Variants in PAPPA observed in about 807,000 individuals in gnomAD.
The protein encoded by PAPPA is pappalysin 1.
In PAPPA, 60 loss-of-function variants were observed where a neutral mutation model predicts 164.0. The observed-to-expected ratio is 0.37, with a 90% CI of 0.30 to 0.45. The LOEUF (loss-of-function observed/expected upper bound fraction) is 0.45. PAPPA is among the 20% of genes least tolerant of loss of function. The pLI is 1.00. For missense variants in PAPPA, 1,782 were observed against 2,087.3 expected, an observed-to-expected ratio of 0.85 and a Z score of 2.85; for synonymous variants, 875 against 814.1, an observed-to-expected ratio of 1.07 and a Z score of -1.27.
At position 116,154,434 on chromosome 9, in the gene PAPPA, G is replaced by C. The variant is rs547307006; in HGVS notation, c.262G>C (p.Glu88Gln). The C allele has an allele frequency of 6.3e-6, 8 of 1,271,504 alleles. No homozygotes were observed. The highest frequency in any genetic ancestry group is 7.9e-6 in the Non-Finnish European group (8 of 1,007,154). The allele number at this position is 1,271,504 out of a possible 1,614,324, so 78.8% of individuals were successfully genotyped here. A position where few individuals can be genotyped will look rare whatever the true frequency, so the allele number is the denominator to read the frequency against. ...GCAGCGGGAGGCGAGGGGCGCCACCGAGGAGCCGAGCCCGCCGAGCCGGGC... is the reference window on the plus strand; with the variant it reads ...GCAGCGGGAGGCGAGGGGCGCCACCCAGGAGCCGAGCCCGCCGAGCCGGGC... ...RQQREARGAT[E>Q]EPSPPSRALY... Residue 88 changes from glutamate (E) to glutamine (Q), a missense_variant, in exon 1 of 22, where the codon GAG becomes CAG. Physicochemically the swap from Glu to Gln is conservative, Grantham distance 29. This residue lies in a region of PAPPA where 458 missense variants were observed against 430.3 expected (regional missense o/e 1.06). Transcript: ENST00000328252. This position sits in a 1 kb window ranked among gnomAD's most constrained non-coding sequence, Gnocchi z 5.2.
At chr9:116,197,746 C>T (rs760257054) in intron 2 of PAPPA, among the ~76,000 whole-genome samples, 15 of 152,182 alleles carry the variant, frequency 9.9e-5, no homozygotes, top group Non-Finnish European at 1.8e-4. Context: ...ATCTACTGTA[C>T]GGCCTGTATT....
chr9:116,301,029 T>C (rs1397562487), intron 9 of PAPPA, among the ~76,000 whole-genome samples: 1 of 152,030 alleles, frequency 6.6e-6, no homozygotes. Flanking sequence ...TGTGCAAAGA[T>C]ACATAGCTAA....
rs143567462 is a variant in PAPPA, at chr9:116,295,351, C to T, written c.2954-7406C>T. Among the ~76,000 whole-genome samples the T allele has an allele frequency of 1.8e-3, 271 of 151,992 alleles. 2 individuals carry two copies. Among genetic ancestry groups the T allele is most frequent in the African/African-American group, 6.2e-3 (258 of 41,452 alleles). On this transcript the variant is annotated intron_variant, in intron 9 of 21. Coordinates refer to ENST00000328252, the MANE Select transcript of PAPPA (RefSeq NM_002581.5). The stretch of plus-strand genomic sequence containing the variant: ...GGTGGATCACCTGAGGTTAAGAGTT[C>T]GAGACCAGCCTGACCAACATGGTGA...
chr9:116,355,086 T>A (rs1846335535), intron 17 of PAPPA, among the ~76,000 whole-genome samples: 1 of 152,184 alleles, frequency 6.6e-6, no homozygotes, highest in Non-Finnish European at 1.5e-5. Context: ...GTGCCCCTCC[T>A]CAGGTTCCCC....
chr9:116,398,903 T>C lies in PAPPA; in HGVS notation c.*2287T>C. The C allele has an allele frequency of 2.8e-6, 1 of 356,036 alleles. No homozygotes were observed. The highest frequency in any genetic ancestry group is 3.8e-5 in the Admixed American group (1 of 26,052). 22.1% of individuals were successfully genotyped at this position (356,036 alleles called of 1,614,324 possible). ...CCCCTCTCCAGTATCTTCACACTCT[T>C]GTCAACTCTCCAGGCCTCTCTCTTG... On this transcript the variant is annotated 3_prime_UTR_variant, in exon 22 of 22. Transcript: ENST00000328252.
intron 5 of PAPPA, among the ~76,000 whole-genome samples, chr9:116,221,093 T>C (rs555478495): frequency 5.8e-4 from 89 of 152,290 alleles, no homozygotes; most frequent in African/African-American, 2.0e-3. Flanking sequence ...TTTCTGTCTC[T>C]GAGCCTGATT....
chr9:116,166,292 A>G (rs1057103266), intron 1 of PAPPA, among the ~76,000 whole-genome samples: 1 of 152,152 alleles, frequency 6.6e-6, no homozygotes, highest in African/African-American at 2.4e-5. Context: ...TCCAAGCCAT[A>G]TTTTGGCCTT....
intron 2 of PAPPA, among the ~76,000 whole-genome samples, chr9:116,201,801 C>T (rs1844174394): frequency 6.6e-6 from 1 of 152,180 alleles, no homozygotes; most frequent in South Asian, 2.1e-4. Context: ...TAAAATCACC[C>T]TCTGTTGCCT....
chr9:116,215,480 C>T (rs1844358923), intron 4 of PAPPA, among the ~76,000 whole-genome samples: 1 of 152,030 alleles, frequency 6.6e-6, no homozygotes, highest in Non-Finnish European at 1.5e-5. Context: ...CCTTAGCAAA[C>T]TAATGCAAGA....
At chr9:116,198,887 T>C (rs2118655683) in intron 2 of PAPPA, among the ~76,000 whole-genome samples, 1 of 152,340 alleles carries the variant, frequency 6.6e-6, no homozygotes, top group Non-Finnish European at 1.5e-5. Context: ...TTTTATTTTA[T>C]GATATGAGGG....
intron 15 of PAPPA, among the ~76,000 whole-genome samples, chr9:116,349,398 C>T (rs1377314401): frequency 3.9e-5 from 6 of 152,182 alleles, no homozygotes; most frequent in East Asian, 3.8e-4. Context: ...ACCTACTATT[C>T]GCTCAGCAGT....
At chr9:116,349,448 C>T (rs978452135) in intron 15 of PAPPA, among the ~76,000 whole-genome samples, 4 of 152,052 alleles carry the variant, frequency 2.6e-5, no homozygotes, top group African/African-American at 9.7e-5. Flanking sequence ...AAGATACAGC[C>T]CTTGCCTTAG....
At chr9:116,243,548 C>A (rs949578533) in intron 7 of PAPPA, among the ~76,000 whole-genome samples, 1 of 152,042 alleles carries the variant, frequency 6.6e-6, no homozygotes, top group Non-Finnish European at 1.5e-5. Context: ...GTTTTATATC[C>A]CTTTGCCTGA....
intron 9 of PAPPA, among the ~76,000 whole-genome samples, chr9:116,281,115 T>C (rs186698365): frequency 1.4e-3 from 216 of 152,374 alleles, no homozygotes; most frequent in Non-Finnish European, 2.4e-3. Flanking sequence ...AATCTAGAGC[T>C]GATTTAAAGT....
intron 19 of PAPPA, among the ~76,000 whole-genome samples, chr9:116,369,946 G>T (rs533027211): frequency 5.9e-5 from 9 of 152,308 alleles, no homozygotes; most frequent in African/African-American, 1.9e-4. Context: ...GGCAGAGATT[G>T]ATGATTTCCA....
intron 21 of PAPPA, among the ~76,000 whole-genome samples, chr9:116,392,127 T>C (rs1846900951): frequency 6.6e-6 from 1 of 152,242 alleles, no homozygotes; most frequent in Non-Finnish European, 1.5e-5. Context: ...TTAGCATTGC[T>C]GGGCAGAGTG....
intron 7 of PAPPA, among the ~76,000 whole-genome samples, chr9:116,238,636 G>T (rs941787577): frequency 6.6e-6 from 1 of 152,138 alleles, no homozygotes; most frequent in Admixed American, 6.5e-5. Flanking sequence ...TGCACAATTT[G>T]TTCTTTCATT....
chr9:116,382,322 C>T (rs1237499708), intron 20 of PAPPA, 73 bp from the exon 21 acceptor site: 10 of 900,824 alleles, frequency 1.1e-5, no homozygotes, highest in Non-Finnish European at 1.9e-5. Flanking sequence ...ACCCGAAGGA[C>T]TGCAGACGTC....
intron 10 of PAPPA, among the ~76,000 whole-genome samples, chr9:116,328,396 A>G (rs1009388299): frequency 2.0e-5 from 3 of 152,216 alleles, no homozygotes; most frequent in Non-Finnish European, 2.9e-5. Context: ...TTAAGTGGCT[A>G]TGTTCTACCC....
Sources: gnomAD v4.1 joint callset for allele counts (sites outside exome capture counted in the v4.1 genomes callset) on GRCh38, gnomAD v4.1.1 for gene constraint, gnomAD v4.1.1 regional missense constraint, Gnocchi (gnomAD v3.1) non-coding constraint, MANE v1.5 for transcripts, NCBI Gene and HGNC (gene_info 2026-07-23, HGNC 2026-07-21) for gene names.